CALD1: variants seen among roughly 807,000 people sequenced by gnomAD.
CALD1 encodes caldesmon 1.
Under a neutral mutation model 99.9 loss-of-function variants are expected in CALD1, and 33 were observed. The observed-to-expected ratio is 0.33, with a 90% CI of 0.25 to 0.44. CALD1 has a LOEUF of 0.44. Among genes scored for constraint, CALD1 ranks in the 20% least tolerant of loss-of-function variants. CALD1 has a pLI of 1.00. For synonymous variants in CALD1, 310 were observed against 325.0 expected (o/e 0.95, Z 0.50); for missense variants, 861 against 962.1 (o/e 0.89, Z 1.39).
chr7:134,864,178 G>A (rs201014052), intron 2 of CALD1, among the ~76,000 whole-genome samples: 5 of 152,030 alleles, frequency 3.3e-5, no homozygotes, highest in East Asian at 3.9e-4. Context: ...GTGAAACCCC[G>A]TCTCTACTAA....
At position 134,935,709 on chromosome 7, in the gene CALD1, G is replaced by A. The variant is rs773789268; in HGVS notation, c.1330G>A (p.Val444Met). The A allele has an allele frequency of 6.2e-7, 1 of 1,605,806 alleles. No individual in the cohort carries two copies. Among genetic ancestry groups the A allele is most frequent in the East Asian group, 2.2e-5 (1 of 44,786 alleles). ...KKQGEEKGTK[V>M]QAKREKLQED... The stretch of plus-strand genomic sequence containing the variant: ...AAAGGGAGAAGAGAAGGGAACTAAA[G>A]TGCAAGCTAAAAGAGAAAAGCTCCA... The change falls in exon 6 of 15, where the codon GTG (valine) becomes ATG (methionine). Residue 444 changes from valine to methionine, a missense_variant. Transcript: ENST00000361675.
At chr7:134,858,624 C>T (rs983032420) in intron 2 of CALD1, among the ~76,000 whole-genome samples, 14 of 151,888 alleles carry the variant, frequency 9.2e-5, no homozygotes, top group Non-Finnish European at 1.5e-4. Context: ...GGCTGGAGTG[C>T]GGTGGCATGA....
chr7:134,900,947 C>T (rs1802949385), intron 3 of CALD1, among the ~76,000 whole-genome samples: 1 of 152,092 alleles, frequency 6.6e-6, no homozygotes. Flanking sequence ...TTAAAACATC[C>T]TTCTGCTTTC....
At chr7:134,946,603 G>A (rs1430704307) in intron 7 of CALD1, among the ~76,000 whole-genome samples, 1 of 151,460 alleles carries the variant, frequency 6.6e-6, no homozygotes, top group African/African-American at 2.4e-5. Flanking sequence ...TCCGTGATTG[G>A]CTTATTTCAC....
chr7:134,929,368 A>G (rs1194771963), intron 4 of CALD1, among the ~76,000 whole-genome samples: 3 of 151,342 alleles, frequency 2.0e-5, no homozygotes, highest in Admixed American at 2.0e-4. Flanking sequence ...ACCACGCCCA[A>G]TGCGCAGTAT....
intron 3 of CALD1, among the ~76,000 whole-genome samples, chr7:134,919,337 A>G (rs531428926): frequency 6.6e-6 from 1 of 152,220 alleles, no homozygotes; most frequent in Non-Finnish European, 1.5e-5. Context: ...TGTTCCAGTC[A>G]TAATGATGCT....
chr7:134,761,983 C>A (rs192570109), intron 1 of CALD1, among the ~76,000 whole-genome samples: 1 of 152,330 alleles, frequency 6.6e-6, no homozygotes, highest in East Asian at 1.9e-4. Flanking sequence ...ATCAGGCAAC[C>A]TTCTCTGTGA....
At chr7:134,778,474 A>G (rs562181761), upstream of CALD1, among the ~76,000 whole-genome samples, 2 of 152,350 alleles carry the variant, frequency 1.3e-5, no homozygotes, top group East Asian at 1.9e-4. Flanking sequence ...TCTCAAACAT[A>G]TAACAATGAG....
At chr7:134,778,918 A>T (rs536841717), upstream of CALD1, among the ~76,000 whole-genome samples, 2 of 152,320 alleles carry the variant, frequency 1.3e-5, no homozygotes, top group Admixed American at 1.3e-4. Context: ...CCTTAGGTTT[A>T]TTCTGGCCAG....
chr7:134,727,520 A>G, the CALD1 span, among the ~76,000 whole-genome samples: 9 of 152,228 alleles, frequency 5.9e-5, no homozygotes, highest in Non-Finnish European at 7.4e-5. Context: ...GTCCATTTTT[A>G]TAAAGTAGCT....
At chr7:134,748,729 AC>A (rs201039334) in intron 1 of CALD1, among the ~76,000 whole-genome samples, 1,723 of 133,910 alleles carry the variant, frequency 0.013, 23 homozygotes, top group Non-Finnish European at 0.019. Flanking sequence ...CCCAAAAAAA[AC>A]CAAAAAAACA....
intron 1 of CALD1, among the ~76,000 whole-genome samples, chr7:134,761,071 A>T (rs1796772280): frequency 6.6e-6 from 1 of 152,220 alleles, no homozygotes; most frequent in African/African-American, 2.4e-5. Context: ...TAGACAAATG[A>T]TGCCAAGAAA....
chr7:134,862,252 C>A (rs1800594365), intron 2 of CALD1, among the ~76,000 whole-genome samples: 1 of 152,100 alleles, frequency 6.6e-6, no homozygotes, highest in East Asian at 1.9e-4. Context: ...GGAAACAAAT[C>A]CTAGAGAGAA....
chr7:134,846,935 T>C (rs1037884984), intron 2 of CALD1, among the ~76,000 whole-genome samples: 8 of 152,236 alleles, frequency 5.3e-5, no homozygotes, highest in Non-Finnish European at 1.2e-4. Flanking sequence ...ATGAGAAATG[T>C]TGAAAGCAAG....
chr7:134,958,277 C>G lies in CALD1; in HGVS notation c.2048C>G (p.Thr683Ser). The G allele has an allele frequency of 2.5e-6, 4 of 1,613,462 alleles. No individual in the cohort carries two copies. The highest frequency in any genetic ancestry group is 3.4e-6 in the Non-Finnish European group (4 of 1,179,516). The change falls in exon 11 of 15, where the codon ACC becomes AGC. Residue 683 changes from threonine to serine, a missense_variant. By Grantham distance (58) the Thr-to-Ser change is moderately conservative. This residue lies in a region of CALD1 where 190 missense variants were observed against 249.0 expected (regional missense o/e 0.76). Coordinates refer to ENST00000361675, the MANE Select transcript of CALD1 (RefSeq NM_033138.4). ...SKIDSRLEQY[T>S]SAIEGTKSAK... ...ATTGACAGCAGACTGGAGCAGTATACCAGTGCAATTGAGGTGAGAATTGTC... is the reference window on the plus strand; with the variant it reads ...ATTGACAGCAGACTGGAGCAGTATAGCAGTGCAATTGAGGTGAGAATTGTC...
At chr7:134,717,802 T>C in the CALD1 span, among the ~76,000 whole-genome samples, 6 of 152,244 alleles carry the variant, frequency 3.9e-5, no homozygotes, top group African/African-American at 1.2e-4. Context: ...TGTGTGCCAA[T>C]TGCCTTTGGA....
chr7:134,950,249 A>C, intron 8 of CALD1, 125 bp from the exon 9 acceptor site: 1 of 811,406 alleles, frequency 1.2e-6, no homozygotes, highest in African/African-American at 1.7e-5. Context: ...ACCACCTAGA[A>C]GGGGAGTGTC....
At chr7:134,838,967 A>G (rs1232247931) in intron 1 of CALD1, among the ~76,000 whole-genome samples, 1 of 152,198 alleles carries the variant, frequency 6.6e-6, no homozygotes, top group Non-Finnish European at 1.5e-5. Context: ...ACAATTTATA[A>G]TTGTACAGAG....
At chr7:134,914,622 T>TC (rs1804069192) in intron 3 of CALD1, among the ~76,000 whole-genome samples, 1 of 152,214 alleles carries the variant, frequency 6.6e-6, no homozygotes, top group Non-Finnish European at 1.5e-5. Context: ...CTAATGCCCT[T>TC]CATGCCTTCC....
Sources: allele counts gnomAD v4.1 joint callset (sites outside exome capture counted in the v4.1 genomes callset), GRCh38; gene constraint gnomAD v4.1.1; regional missense constraint gnomAD v4.1.1; transcripts MANE v1.5; gene names NCBI Gene and HGNC (gene_info 2026-07-23, HGNC 2026-07-21).